Variants in POLR3B observed in about 807,000 individuals in gnomAD.
The protein encoded by POLR3B is RNA polymerase III subunit B, also known as DNA-directed RNA polymerase III subunit RPC2.
In POLR3B, 96 loss-of-function variants were observed where a neutral mutation model predicts 147.4. The observed-to-expected ratio is 0.65, with a 90% CI of 0.55 to 0.77. POLR3B has a LOEUF of 0.77. Ranked by LOEUF, POLR3B falls within the 30% of genes least tolerant of loss-of-function variation. POLR3B has a pLI of 0.00. For synonymous variants in POLR3B, 461 were observed against 485.9 expected (o/e 0.95, Z 0.67); for missense variants, 1,036 against 1,413.5 (o/e 0.73, Z 4.28).
intron 27 of POLR3B, among the ~76,000 whole-genome samples, chr12:106,506,588 C>G (rs2038691847): frequency 6.6e-6 from 1 of 152,204 alleles, no homozygotes; most frequent in Admixed American, 6.5e-5. Context: ...ATTTCTGTCT[C>G]ATTTAGAGAG....
At chr12:106,492,438 T>A (rs2038418526) in intron 23 of POLR3B, among the ~76,000 whole-genome samples, 1 of 152,002 alleles carries the variant, frequency 6.6e-6, no homozygotes, top group African/African-American at 2.4e-5. Context: ...GATGTGGTAG[T>A]CCCAGCTACT....
At chr12:106,380,697 C>T (rs904960047) in intron 9 of POLR3B, among the ~76,000 whole-genome samples, 8 of 152,114 alleles carry the variant, frequency 5.3e-5, no homozygotes, top group South Asian at 2.1e-4. Flanking sequence ...TGCAGTGAGC[C>T]GTGATCATGC....
intron 19 of POLR3B, among the ~76,000 whole-genome samples, chr12:106,447,473 C>T (rs2037738738): frequency 6.6e-6 from 1 of 152,104 alleles, no homozygotes; most frequent in African/African-American, 2.4e-5. Context: ...CACTGAGAAG[C>T]ACTTCTCCAT....
intron 9 of POLR3B, among the ~76,000 whole-genome samples, 174 bp from the exon 10 acceptor site, chr12:106,392,857 T>C (rs990032380): frequency 6.6e-6 from 1 of 152,262 alleles, no homozygotes; most frequent in Admixed American, 6.5e-5. Flanking sequence ...AATATCTGTT[T>C]CAGGTTTTTC....
intron 9 of POLR3B, among the ~76,000 whole-genome samples, chr12:106,381,600 C>T (rs1487324659): frequency 6.6e-6 from 1 of 152,182 alleles, no homozygotes; most frequent in Non-Finnish European, 1.5e-5. Context: ...CTTGCTATTC[C>T]CACCACATCT....
intron 19 of POLR3B, among the ~76,000 whole-genome samples, chr12:106,449,418 A>G (rs968492423): frequency 6.6e-6 from 1 of 151,934 alleles, no homozygotes; most frequent in Admixed American, 6.6e-5. Context: ...AGGAGCACCA[A>G]CTCCTCTCAC....
intron 27 of POLR3B, among the ~76,000 whole-genome samples, chr12:106,505,588 C>T (rs113235764): frequency 1.3e-5 from 2 of 151,988 alleles, no homozygotes; most frequent in African/African-American, 4.8e-5. Flanking sequence ...AAAGTGAGTT[C>T]TTTACTTACT....
chr12:106,363,857 T>C lies in POLR3B; in HGVS notation c.73-13T>C. 1 of 1,602,852 alleles carries C rather than the reference T, an allele frequency of 6.2e-7. No individual in the cohort carries two copies. The highest frequency in any genetic ancestry group is 8.5e-7 in the Non-Finnish European group (1 of 1,170,238). ...GTACAGAGTTCTGATATTCTTCTTG[T>C]TTTGGCTCACAGGAAAAATGGAGGC... On this transcript the variant is annotated splice_polypyrimidine_tract_variant and intron_variant, in intron 1 of 27. Transcript: ENST00000228347.
chr12:106,508,712 A>G (rs149551535), intron 27 of POLR3B, among the ~76,000 whole-genome samples: 77 of 152,380 alleles, frequency 5.1e-4, no homozygotes, highest in African/African-American at 1.7e-3. Context: ...GGTTAGGAAC[A>G]TGGACTGTTG....
chr12:106,493,607 C>T (rs2137071043), intron 23 of POLR3B, among the ~76,000 whole-genome samples: 1 of 152,360 alleles, frequency 6.6e-6, no homozygotes, highest in African/African-American at 2.4e-5. Flanking sequence ...TGACTGGTCT[C>T]ATAAGCACAG....
chr12:106,472,108 C>G (rs1423573670), intron 23 of POLR3B, among the ~76,000 whole-genome samples: 1 of 126,554 alleles, frequency 7.9e-6, no homozygotes, highest in Non-Finnish European at 1.6e-5. Flanking sequence ...TGAGAATATG[C>G]GGTGTTTGGT....
chr12:106,470,858 A>G (rs1279965605), intron 23 of POLR3B, among the ~76,000 whole-genome samples: 1 of 152,036 alleles, frequency 6.6e-6, no homozygotes, highest in Admixed American at 6.6e-5. Flanking sequence ...ACCTGCCTGT[A>G]TGAGGTGTTT....
intron 6 of POLR3B, among the ~76,000 whole-genome samples, chr12:106,371,716 A>G (rs1033080036): frequency 7.6e-5 from 11 of 143,922 alleles, no homozygotes; most frequent in Admixed American, 7.4e-4. Context: ...GTATATTCTC[A>G]CTCATAGGTG....
chr12:106,446,330 T>C (rs2137019034), intron 19 of POLR3B: 1 of 450,322 alleles, frequency 2.2e-6, no homozygotes. Flanking sequence ...GCTGCAACTA[T>C]CTCTATGTAG....
chr12:106,384,437 A>G lies in POLR3B; in HGVS notation c.723+4298A>G, dbSNP rs113650616. On this transcript the variant is annotated intron_variant, in intron 9 of 27. Transcript: ENST00000228347. The stretch of plus-strand genomic sequence containing the variant: ...GCTAAAATTTATACATAACCCCAAA[A>G]TCAATACTTGTGGTGCTTTTGTGGT... 3.7e-3 allele frequency among the ~76,000 whole-genome samples: 563 copies of G among 152,316 alleles called. 4 individuals are homozygous for G. Among genetic ancestry groups the G allele is most frequent in the African/African-American group, 0.013 (531 of 41,572 alleles).
chr12:106,443,440 C>T (rs952680255), intron 18 of POLR3B, among the ~76,000 whole-genome samples: 2 of 151,912 alleles, frequency 1.3e-5, no homozygotes, highest in Non-Finnish European at 1.5e-5. Context: ...CACACTAGCC[C>T]GGCATTTCAA....
At chr12:106,480,501 A>C (rs952751505) in intron 23 of POLR3B, among the ~76,000 whole-genome samples, 4 of 152,058 alleles carry the variant, frequency 2.6e-5, no homozygotes, top group Non-Finnish European at 4.4e-5. Flanking sequence ...CAGGGACTGG[A>C]GCTTACTCTT....
intron 10 of POLR3B, among the ~76,000 whole-genome samples, chr12:106,400,964 A>G (rs545103294): frequency 1.1e-4 from 17 of 152,354 alleles, no homozygotes; most frequent in African/African-American, 1.4e-4. Context: ...AAGGCAAGAT[A>G]TAACTAATAT....
intron 23 of POLR3B, among the ~76,000 whole-genome samples, chr12:106,481,960 T>C (rs1207492224): frequency 2.0e-5 from 3 of 152,370 alleles, no homozygotes; most frequent in Middle Eastern, 6.8e-3. Flanking sequence ...TTTGTTTTTG[T>C]CTATTTTAAT....
Sources: allele counts gnomAD v4.1 joint callset (sites outside exome capture counted in the v4.1 genomes callset), GRCh38; gene constraint gnomAD v4.1.1; transcripts MANE v1.5; gene names NCBI Gene and HGNC (gene_info 2026-07-23, HGNC 2026-07-21).